The following ITPR2 variants were observed in gnomAD, a reference collection of about 807,000 sequenced individuals.
The protein encoded by ITPR2 is inositol 1,4,5-trisphosphate receptor type 2.
Under a neutral mutation model 317.1 loss-of-function variants are expected in ITPR2, and 207 were observed. That is an observed-to-expected ratio of 0.65 (90% CI 0.58 to 0.73). The LOEUF (loss-of-function observed/expected upper bound fraction) is 0.73, where lower values mean the gene tolerates loss of function less well. Among genes scored for constraint, ITPR2 ranks in the 30% least tolerant of loss-of-function variants. The pLI, the probability that ITPR2 is intolerant of heterozygous loss-of-function variation, is 0.00. For synonymous variants in ITPR2, 1,156 were observed against 1,149.1 expected (o/e 1.01, Z -0.12); for missense variants, 2,613 against 3,284.0 (o/e 0.80, Z 4.99).
At chr12:26,691,102 G>C (rs186134503) in intron 10 of ITPR2, among the ~76,000 whole-genome samples, 2 of 152,256 alleles carry the variant, frequency 1.3e-5, no homozygotes, top group East Asian at 3.9e-4. Context: ...AAACTCTCTT[G>C]GTAGACAGTC....
At chr12:26,512,184 T>TTAA (rs745588292) in intron 37 of ITPR2, among the ~76,000 whole-genome samples, 1 of 136,256 alleles carries the variant, frequency 7.3e-6, no homozygotes, top group African/African-American at 2.8e-5. Flanking sequence ...GCTACAAAGA[T>TTAA]AAAAAAAAAA....
intron 1 of ITPR2, among the ~76,000 whole-genome samples, chr12:26,822,253 TGATA>T (rs1354271919): frequency 1.3e-5 from 2 of 152,214 alleles, no homozygotes; most frequent in African/African-American, 2.4e-5. Context: ...AACATCTCAG[TGATA>T]GATAGAACCT....
intron 52 of ITPR2, among the ~76,000 whole-genome samples, chr12:26,401,283 T>G (rs1423948271): frequency 6.6e-6 from 1 of 152,142 alleles, no homozygotes; most frequent in East Asian, 1.9e-4. Flanking sequence ...GCACAGAGAT[T>G]GGCATACACA....
chr12:26,624,095 T>C (rs1462370727), intron 24 of ITPR2, among the ~76,000 whole-genome samples: 1 of 152,140 alleles, frequency 6.6e-6, no homozygotes, highest in Non-Finnish European at 1.5e-5. Flanking sequence ...ATCTCTCTTG[T>C]CCTTTTTTTT....
intron 43 of ITPR2, 29 bp from the exon 44 acceptor site, chr12:26,477,036 T>A: frequency 7.2e-7 from 1 of 1,387,326 alleles, no homozygotes; most frequent in East Asian, 2.3e-5. Flanking sequence ...TTAATGTGCA[T>A]GCAAAGTCTA....
At chr12:26,606,300 G>C (rs1946126529) in intron 26 of ITPR2, among the ~76,000 whole-genome samples, 1 of 152,146 alleles carries the variant, frequency 6.6e-6, no homozygotes, top group South Asian at 2.1e-4. Context: ...AAACGTCCTT[G>C]CATTTTATTG....
At chr12:26,439,050 G>A (rs749667293) in intron 47 of ITPR2, 77 bp downstream of exon 47, 36 of 839,794 alleles carry the variant, frequency 4.3e-5, no homozygotes, top group Non-Finnish European at 6.8e-5. Flanking sequence ...ATTTAAATGA[G>A]CTGCATCATG....
chr12:26,523,182 C>A (rs1336828217), intron 37 of ITPR2, among the ~76,000 whole-genome samples: 2 of 152,170 alleles, frequency 1.3e-5, no homozygotes, highest in Non-Finnish European at 2.9e-5. Context: ...GCCCCAATTT[C>A]TCAACTTCTA....
intron 1 of ITPR2, chr12:26,801,223 C>T (rs1950551022): frequency 1.3e-5 from 2 of 155,926 alleles, no homozygotes; most frequent in Admixed American, 6.5e-5. Flanking sequence ...TCAGGGATGG[C>T]CACTGAAGGG....
intron 37 of ITPR2, among the ~76,000 whole-genome samples, chr12:26,531,705 A>C (rs1489175448): frequency 6.6e-6 from 1 of 152,134 alleles, no homozygotes; most frequent in Admixed American, 6.6e-5. Flanking sequence ...GAATGATTCA[A>C]GACAATTCTC....
chr12:26,449,132 A>G (rs1371300439), intron 45 of ITPR2, among the ~76,000 whole-genome samples: 5 of 152,120 alleles, frequency 3.3e-5, no homozygotes, highest in Non-Finnish European at 5.9e-5. Flanking sequence ...AGTACTTTTC[A>G]TCTGTATTTT....
chr12:26,349,671 C>G (rs1305404126), intron 55 of ITPR2, among the ~76,000 whole-genome samples: 1 of 152,246 alleles, frequency 6.6e-6, no homozygotes, highest in African/African-American at 2.4e-5. Context: ...GTGGCTGAAG[C>G]CCACGCCTTA....
intron 9 of ITPR2, among the ~76,000 whole-genome samples, chr12:26,698,783 G>C (rs996541460): frequency 6.6e-6 from 1 of 152,068 alleles, no homozygotes; most frequent in Non-Finnish European, 1.5e-5. Flanking sequence ...GTTTCAAAAC[G>C]GGATTTAATC....
At chr12:26,578,623 A>G (rs955585816) in intron 34 of ITPR2, 90 bp downstream of exon 34, 1 of 1,173,634 alleles carries the variant, frequency 8.5e-7, no homozygotes, top group East Asian at 2.4e-5. Context: ...CTTAAGTTGT[A>G]AATTGGGAAG....
chr12:26,662,867 C>T (rs1001389097), intron 15 of ITPR2, among the ~76,000 whole-genome samples: 2 of 152,014 alleles, frequency 1.3e-5, no homozygotes, highest in South Asian at 4.2e-4. Flanking sequence ...ATGGGGGCCT[C>T]GCTATATTGC....
At chr12:26,681,427 C>T (rs1360206882) in intron 13 of ITPR2, among the ~76,000 whole-genome samples, 2 of 152,094 alleles carry the variant, frequency 1.3e-5, no homozygotes. Flanking sequence ...GAGAACTACA[C>T]CCTGCAGATT....
Position 26,498,807 on chromosome 12 carries a change from T to C in ITPR2, c.5074-3547A>G, listed in dbSNP as rs368854061. Reference sequence around the variant, plus strand: ...AACCCTTGAGAACTAGCTCCCCTTTTAGTCTCTGCAAGAACCTTTTATGTA... The same window carrying C: ...AACCCTTGAGAACTAGCTCCCCTTTCAGTCTCTGCAAGAACCTTTTATGTA... On this transcript the variant is annotated intron_variant, in intron 37 of 56. Coordinates refer to ENST00000381340, the MANE Select transcript of ITPR2 (RefSeq NM_002223.4). Among the ~76,000 whole-genome samples the C allele has an allele frequency of 5.3e-5, 8 of 152,330 alleles. No homozygotes were observed. In the East Asian group the frequency reaches 7.7e-4, roughly 15 times the overall value.
chr12:26,510,104 T>G (rs1359013840), intron 37 of ITPR2, among the ~76,000 whole-genome samples: 1 of 151,950 alleles, frequency 6.6e-6, no homozygotes, highest in African/African-American at 2.4e-5. Context: ...ATTCAAAATG[T>G]TGCTCTCATC....
intron 45 of ITPR2, among the ~76,000 whole-genome samples, chr12:26,445,365 C>A (rs1941584278): frequency 6.6e-6 from 1 of 152,000 alleles, no homozygotes; most frequent in South Asian, 2.1e-4. Context: ...GAGGGGTCGT[C>A]AGTATATGAC....
Sources: gnomAD v4.1 joint callset for allele counts (sites outside exome capture counted in the v4.1 genomes callset) on GRCh38, gnomAD v4.1.1 for gene constraint, MANE v1.5 for transcripts, NCBI Gene and HGNC (gene_info 2026-07-23, HGNC 2026-07-21) for gene names.